The following SLC1A7 variants were observed in gnomAD, a reference collection of about 807,000 sequenced individuals.
SLC1A7 encodes the protein excitatory amino acid transporter 5.
A neutral mutation model predicts 47.7 loss-of-function variants in SLC1A7; 40 were observed. The observed-to-expected ratio is 0.84, with a 90% CI of 0.65 to 1.09. The LOEUF (loss-of-function observed/expected upper bound fraction) is 1.09. Among genes scored for constraint, SLC1A7 ranks in the 50% least tolerant of loss-of-function variants. The pLI is 0.00. For synonymous variants in SLC1A7, 323 were observed against 325.6 expected (o/e 0.99, Z 0.09); for missense variants, 746 against 769.5 (o/e 0.97, Z 0.36).
intron 2 of SLC1A7, chr1:53,115,240 A>G: frequency 3.6e-6 from 2 of 554,194 alleles, no homozygotes; most frequent in East Asian, 6.0e-5. Context: ...TGGCTGTGGG[A>G]TGGTGGGGAC....
At chr1:53,105,803 T>G in intron 3 of SLC1A7, 29 bp from the exon 4 acceptor site, 1 of 1,608,908 alleles carries the variant, frequency 6.2e-7, no homozygotes, top group East Asian at 2.2e-5. Flanking sequence ...ATTGAAAAAT[T>G]CCAGAGCCCA....
chr1:53,091,680 G>A (rs75990890), intron 7 of SLC1A7, among the ~76,000 whole-genome samples: 1 of 152,132 alleles, frequency 6.6e-6, no homozygotes, highest in Non-Finnish European at 1.5e-5. Flanking sequence ...GCTGGGTACA[G>A]AGGCCTGCAG....
intron 5 of SLC1A7, among the ~76,000 whole-genome samples, chr1:53,098,302 TAC>T (rs368306719): frequency 1.2e-4 from 17 of 145,302 alleles, no homozygotes; most frequent in African/African-American, 4.4e-4. Flanking sequence ...CCTGTCTCGG[TAC>T]ACACACACAC....
intron 5 of SLC1A7, among the ~76,000 whole-genome samples, chr1:53,098,334 G>C (rs539273322): frequency 7.3e-6 from 1 of 137,850 alleles, no homozygotes; most frequent in African/African-American, 2.8e-5. Flanking sequence ...ACCAAAACCC[G>C]CCTTGCTACA....
chr1:53,133,967 C>G (rs1487185817), intron 2 of SLC1A7, among the ~76,000 whole-genome samples: 1 of 152,174 alleles, frequency 6.6e-6, no homozygotes, highest in African/African-American at 2.4e-5. Flanking sequence ...GTTACACAGC[C>G]AAGCCAGGCT....
intron 3 of SLC1A7, among the ~76,000 whole-genome samples, chr1:53,110,486 G>A (rs1018489241): frequency 1.3e-5 from 2 of 152,144 alleles, no homozygotes; most frequent in African/African-American, 4.8e-5. Flanking sequence ...AGCAGGATCA[G>A]TTTTCACCAC....
At chr1:53,108,767 C>T (rs1644672510) in intron 3 of SLC1A7, 1 of 665,624 alleles carries the variant, frequency 1.5e-6, no homozygotes, top group Non-Finnish European at 2.8e-6. Context: ...GCCAGCTGCC[C>T]ACCTCCCACT....
intron 5 of SLC1A7, among the ~76,000 whole-genome samples, chr1:53,101,605 ACT>A (rs1462816639): frequency 6.7e-6 from 1 of 148,730 alleles, no homozygotes; most frequent in East Asian, 2.0e-4. Context: ...GCCTCAGTAC[ACT>A]CACACACCCC....
chr1:53,095,396 C>CCACACCCTGCCTTGGTACACTCA (rs1272076694), intron 5 of SLC1A7, among the ~76,000 whole-genome samples: 3 of 151,954 alleles, frequency 2.0e-5, no homozygotes, highest in Admixed American at 6.6e-5. Context: ...ACACAGTAAG[C>CCACACCCTGCCTTGGTACACTCA]CACACCCTGC....
At chr1:53,106,194 A>G (rs1261102388) in intron 3 of SLC1A7, among the ~76,000 whole-genome samples, 1 of 151,814 alleles carries the variant, frequency 6.6e-6, no homozygotes, top group East Asian at 1.9e-4. Context: ...CCTCCCCCAT[A>G]TAGTGGCCGC....
At chr1:53,137,001 T>C (rs991271796) in intron 1 of SLC1A7, among the ~76,000 whole-genome samples, 3 of 151,950 alleles carry the variant, frequency 2.0e-5, no homozygotes, top group Non-Finnish European at 4.4e-5. Flanking sequence ...AAAAGTGCTC[T>C]AATAGCCAGG....
At position 53,100,538 on chromosome 1, in the gene SLC1A7, C is replaced by A. The variant is rs549789087; in HGVS notation, c.697+2808G>T. Among the ~76,000 whole-genome samples the A allele has an allele frequency of 2.6e-5, 4 of 151,908 alleles. No individual in the cohort carries two copies. The South Asian group carries it at 8.3e-4, about 32-fold the overall frequency. On this transcript the variant is annotated intron_variant, in intron 5 of 10. Coordinates refer to ENST00000371494, the MANE Select transcript of SLC1A7 (RefSeq NM_006671.6). The stretch of plus-strand genomic sequence containing the variant: ...CACCTCGGTACACTCGCACACCCAA[C>A]CTTGGTATACTCACACACACTGCCT...
chr1:53,137,531 A>G (rs1299118583), intron 1 of SLC1A7, among the ~76,000 whole-genome samples: 1 of 152,160 alleles, frequency 6.6e-6, no homozygotes, highest in Non-Finnish European at 1.5e-5. Flanking sequence ...CTATTTCAGC[A>G]TTATATTTAT....
intron 2 of SLC1A7, among the ~76,000 whole-genome samples, chr1:53,122,547 A>G (rs1644837143): frequency 6.6e-6 from 1 of 152,188 alleles, no homozygotes; most frequent in African/African-American, 2.4e-5. Flanking sequence ...CATGCCCATT[A>G]GCGCCAGCTC....
chr1:53,136,630 A>AT (rs1401225061), intron 1 of SLC1A7, among the ~76,000 whole-genome samples: 1 of 119,764 alleles, frequency 8.3e-6, no homozygotes, highest in African/African-American at 3.4e-5. Flanking sequence ...AAACATATAT[A>AT]ATATATAAAA....
Position 53,132,690 on chromosome 1 carries a change from A to G in SLC1A7, c.215+1660T>C, listed in dbSNP as rs943004673. On this transcript the variant is annotated intron_variant, in intron 2 of 10. Coordinates refer to ENST00000371494, the MANE Select transcript of SLC1A7 (RefSeq NM_006671.6). Reference sequence around the variant, plus strand: ...GTGAGACCCCGCCTCTACAAAAAATACAAAAAATAATTAGGTGTGGTGGTG... The same window carrying G: ...GTGAGACCCCGCCTCTACAAAAAATGCAAAAAATAATTAGGTGTGGTGGTG... Among the ~76,000 whole-genome samples, 3 of 151,982 alleles carry G rather than the reference A, an allele frequency of 2.0e-5. No homozygotes were observed. The South Asian group carries it at 6.3e-4, about 32-fold the overall frequency.
intron 3 of SLC1A7, among the ~76,000 whole-genome samples, chr1:53,111,434 G>A (rs1444679530): frequency 1.3e-5 from 2 of 152,188 alleles, no homozygotes; most frequent in Non-Finnish European, 2.9e-5. Context: ...TTTTGAAAAG[G>A]ATGCCTCTGG....
At chr1:53,088,768 A>C in intron 10 of SLC1A7, 109 bp downstream of exon 10, 1 of 776,274 alleles carries the variant, frequency 1.3e-6, no homozygotes, top group South Asian at 1.5e-5. Context: ...AGAGGCATGG[A>C]GGGAGGGATT....
At chr1:53,092,529 C>T (rs377153142) in intron 7 of SLC1A7, 25 bp downstream of exon 7, 5 of 1,555,738 alleles carry the variant, frequency 3.2e-6, no homozygotes, top group African/African-American at 1.4e-5. Context: ...CAGCTCCCCA[C>T]CGTCCTGCCC....
Sources: gnomAD v4.1 joint callset for allele counts (sites outside exome capture counted in the v4.1 genomes callset) on GRCh38, gnomAD v4.1.1 for gene constraint, MANE v1.5 for transcripts, NCBI Gene and HGNC (gene_info 2026-07-23, HGNC 2026-07-21) for gene names.